EPHA4: variants seen among roughly 807,000 people sequenced by gnomAD.
The protein encoded by EPHA4 is EPH receptor A4.
Under a neutral mutation model 108.3 loss-of-function variants are expected in EPHA4, and 19 were observed. That is an observed-to-expected ratio of 0.18 (90% CI 0.12 to 0.26). The LOEUF (loss-of-function observed/expected upper bound fraction) is 0.26. Ranked by LOEUF, EPHA4 falls within the 10% of genes least tolerant of loss-of-function variation. The pLI is 1.00. For missense variants in EPHA4, 917 were observed against 1,254.0 expected, an observed-to-expected ratio of 0.73 and a Z score of 4.06; for synonymous variants, 449 against 455.5, an observed-to-expected ratio of 0.99 and a Z score of 0.18.
chr2:221,460,235 T>A (rs549826231), intron 5 of EPHA4, among the ~76,000 whole-genome samples: 6 of 151,988 alleles, frequency 3.9e-5, no homozygotes, highest in African/African-American at 1.5e-4. Context: ...ACAGCTGTCA[T>A]AAAAATGGAG....
In EPHA4 at chr2:221,456,742, G is replaced by A. The variant is rs1690966051; in HGVS notation, c.1474C>T (p.Arg492Trp). 2 of 1,613,832 alleles carry A rather than the reference G, an allele frequency of 1.2e-6. No homozygotes were observed. Among genetic ancestry groups the A allele is most frequent in the Non-Finnish European group, 1.7e-6 (2 of 1,179,850 alleles). The part of the protein sequence containing the change: ...DQNERSYRIV[R>W]TAARNTDIKG... Reference sequence around the variant, plus strand: ...ATATCTGTGTTCCTGGCAGCTGTCCGAACTATACGATAGCTTCGCTCATTC... The same window carrying A: ...ATATCTGTGTTCCTGGCAGCTGTCCAAACTATACGATAGCTTCGCTCATTC... The change falls in exon 7 of 18, where the codon CGG becomes TGG. Residue 492 changes from arginine to tryptophan, a missense_variant. Physicochemically the swap from Arg to Trp is moderately radical, Grantham distance 101 (BLOSUM62 -3). Coordinates refer to ENST00000281821, the MANE Select transcript of EPHA4 (RefSeq NM_004438.5).
rs1345251778 is a variant in EPHA4 at position 221,564,915 on chromosome 2, A to C, written c.160-521T>G. Among the ~76,000 whole-genome samples, 3 of 148,202 alleles carry C rather than the reference A, an allele frequency of 2.0e-5. No individual in the cohort carries two copies. In the East Asian group the frequency reaches 6.0e-4, roughly 29 times the overall value. The stretch of plus-strand genomic sequence containing the variant: ...AAAAAAAAAAAAAAAAAAAAAAGGC[A>C]ATTGATTTTTTTGGCACCCTCACTA... On this transcript the variant is annotated intron_variant, in intron 2 of 17. Coordinates refer to ENST00000281821, the MANE Select transcript of EPHA4 (RefSeq NM_004438.5).
intron 3 of EPHA4, among the ~76,000 whole-genome samples, chr2:221,546,057 C>CT (rs1356767625): frequency 3.3e-5 from 5 of 152,218 alleles, no homozygotes; most frequent in Non-Finnish European, 7.3e-5. Context: ...AATCATTTTT[C>CT]TAGGTCTGCC....
In EPHA4 at chr2:221,418,690, T is replaced by C. The variant is rs953300495; in HGVS notation, c.*2682A>G. 2 of 152,400 alleles carry C rather than the reference T, an allele frequency of 1.3e-5. No homozygotes were observed. The highest frequency in any genetic ancestry group is 2.9e-5 in the Non-Finnish European group (2 of 68,030). The allele number at this position is 152,400 out of a possible 1,614,324, so 9.4% of individuals were successfully genotyped here. On this transcript the variant is annotated 3_prime_UTR_variant, in exon 18 of 18. Coordinates refer to ENST00000281821, the MANE Select transcript of EPHA4 (RefSeq NM_004438.5). The stretch of plus-strand genomic sequence containing the variant: ...GCCTGCATACACAAGGTGAAGCTAC[T>C]TGATTTGGTGCAGCGGGGTAGTTTC...
chr2:221,522,093 C>A (rs573720276), intron 3 of EPHA4, among the ~76,000 whole-genome samples: 9 of 152,320 alleles, frequency 5.9e-5, no homozygotes, highest in African/African-American at 1.9e-4. Flanking sequence ...CTAGGCCAGG[C>A]ACTTCAAATA....
chr2:221,530,218 G>A (rs565573250), intron 3 of EPHA4, among the ~76,000 whole-genome samples: 65 of 149,840 alleles, frequency 4.3e-4, no homozygotes, highest in Middle Eastern at 6.9e-3. Flanking sequence ...AATCTTTTAC[G>A]ATGTAATTTC....
chr2:221,484,313 G>A (rs778326135), intron 4 of EPHA4, among the ~76,000 whole-genome samples: 2 of 152,066 alleles, frequency 1.3e-5, no homozygotes, highest in Non-Finnish European at 2.9e-5. Context: ...ATTTAATAAG[G>A]GTAATTCACT....
chr2:221,508,404 C>G (rs1031542601), intron 3 of EPHA4, among the ~76,000 whole-genome samples: 2 of 151,960 alleles, frequency 1.3e-5, no homozygotes, highest in African/African-American at 2.4e-5. Flanking sequence ...CATGGTGAAC[C>G]CTGTCTCTGC....
chr2:221,538,773 G>T (rs572685247), intron 3 of EPHA4, among the ~76,000 whole-genome samples: 2 of 151,992 alleles, frequency 1.3e-5, no homozygotes, highest in Non-Finnish European at 2.9e-5. Flanking sequence ...TGATGTATTC[G>T]GTGAGTATGC....
intron 3 of EPHA4, among the ~76,000 whole-genome samples, chr2:221,562,639 A>G (rs1278749317): frequency 6.6e-6 from 1 of 152,240 alleles, no homozygotes; most frequent in East Asian, 1.9e-4. Context: ...CCAGAATTAC[A>G]TTCTAACTAT....
At chr2:221,567,593 G>A (rs1443824998) in intron 2 of EPHA4, among the ~76,000 whole-genome samples, 1 of 152,154 alleles carries the variant, frequency 6.6e-6, no homozygotes, top group African/African-American at 2.4e-5. Flanking sequence ...AGGGCAATCT[G>A]TTTTATTTCA....
chr2:221,553,377 A>G (rs1224534949), intron 3 of EPHA4, among the ~76,000 whole-genome samples: 1 of 152,248 alleles, frequency 6.6e-6, no homozygotes, highest in African/African-American at 2.4e-5. Flanking sequence ...GAAGTCTTAA[A>G]TCAGGGAAGT....
intron 17 of EPHA4, among the ~76,000 whole-genome samples, chr2:221,421,027 G>A (rs985153440): frequency 2.6e-5 from 4 of 152,162 alleles, no homozygotes; most frequent in African/African-American, 4.8e-5. Context: ...GGCCGGGCGC[G>A]GTGGCTCACG....
intron 3 of EPHA4, among the ~76,000 whole-genome samples, chr2:221,529,001 A>G (rs911399642): frequency 2.0e-5 from 3 of 152,160 alleles, no homozygotes; most frequent in Admixed American, 1.3e-4. Context: ...ACAACAACAA[A>G]AAACTACGTA....
At chr2:221,553,358 G>A (rs1259504068) in intron 3 of EPHA4, among the ~76,000 whole-genome samples, 1 of 152,196 alleles carries the variant, frequency 6.6e-6, no homozygotes, top group African/African-American at 2.4e-5. Flanking sequence ...AGCAATAGCT[G>A]GGAAACGTGA....
At chr2:221,488,301 T>TA (rs1692035820) in intron 4 of EPHA4, among the ~76,000 whole-genome samples, 1 of 152,166 alleles carries the variant, frequency 6.6e-6, no homozygotes, top group South Asian at 2.1e-4. Flanking sequence ...TTCCAGGAAC[T>TA]AAAAAGCCTA....
chr2:221,419,153 G>GAA lies in EPHA4; in HGVS notation c.*2217_*2218dup, dbSNP rs1689673240. On this transcript the variant is annotated 3_prime_UTR_variant, in exon 18 of 18. Transcript: ENST00000281821. ...TAAGCAAGGCAGCCACTCAGATTAT[G>GAA]AAAAATGGCAGTAAGTTGGCTGGAG... 6.6e-6 allele frequency: 1 copy of GAA among 152,592 alleles called. No homozygotes were observed. Among genetic ancestry groups the GAA allele is most frequent in the Admixed American group, 6.5e-5 (1 of 15,278 alleles). 9.5% of individuals were successfully genotyped at this position (152,592 alleles called of 1,614,324 possible).
rs1465293126 is a variant in EPHA4 at position 221,434,135 on chromosome 2, G to C, written c.2496+7C>G. ...GAAAAAATATATTTCAGAACATAGA[G>C]ACTTACATCTTGATTGGACATATCC... On this transcript the variant is annotated splice_region_variant and intron_variant, in intron 14 of 17. Transcript: ENST00000281821. The C allele has an allele frequency of 1.2e-6, 2 of 1,609,968 alleles. No homozygotes were observed. The highest frequency in any genetic ancestry group is 1.1e-5 in the South Asian group (1 of 90,334).
chr2:221,548,362 CA>C lies in EPHA4; in HGVS notation c.823+15368del, dbSNP rs536224750. ...CTGGCGACAGAGCGAGAGTCCGTCT[CA>C]AAAAAAAAAAAAGAGTCTGGGACGT... On this transcript the variant is annotated intron_variant, in intron 3 of 17. Coordinates refer to ENST00000281821, the MANE Select transcript of EPHA4 (RefSeq NM_004438.5). Among the ~76,000 whole-genome samples the C allele has an allele frequency of 4.3e-3, 587 of 137,200 alleles. 4 individuals carry two copies. The highest frequency in any genetic ancestry group is 0.037 in the South Asian group (156 of 4,252). The allele number at this position is 137,200 out of a possible 152,430, so 90.0% of individuals were successfully genotyped here. A position where few individuals can be genotyped will look rare whatever the true frequency, so the allele number is the denominator to read the frequency against.
Sources: allele counts gnomAD v4.1 joint callset (sites outside exome capture counted in the v4.1 genomes callset), GRCh38; gene constraint gnomAD v4.1.1; transcripts MANE v1.5; gene names NCBI Gene and HGNC (gene_info 2026-07-23, HGNC 2026-07-21).